The following MAP4K3 variants were observed in gnomAD, a reference collection of about 807,000 sequenced individuals.
MAP4K3 encodes the protein MAPK/ERK kinase kinase kinase 3.
In MAP4K3, 94 loss-of-function variants were observed where a neutral mutation model predicts 143.5. That is an observed-to-expected ratio of 0.65 (90% CI 0.55 to 0.78). The LOEUF is 0.78. Ranked by LOEUF, MAP4K3 falls within the 30% of genes least tolerant of loss-of-function variation. The probability of loss-of-function intolerance (pLI) is 0.00; values close to 1 mark genes in which losing one functional copy is unlikely to be tolerated. For synonymous variants in MAP4K3, 416 were observed against 347.2 expected (o/e 1.20, Z -2.20); for missense variants, 1,077 against 1,068.1 (o/e 1.01, Z -0.12).
At chr2:39,348,303 T>A (rs927404962) in intron 3 of MAP4K3, among the ~76,000 whole-genome samples, 7 of 152,100 alleles carry the variant, frequency 4.6e-5, no homozygotes, top group Non-Finnish European at 8.8e-5. Context: ...TACAATTTTC[T>A]ATTCATCCTA....
At chr2:39,311,674 G>A (rs1177225580) in intron 13 of MAP4K3, among the ~76,000 whole-genome samples, 1 of 152,182 alleles carries the variant, frequency 6.6e-6, no homozygotes, top group African/African-American at 2.4e-5. Flanking sequence ...GAAGCCTCTG[G>A]CCAATAGTTA....
chr2:39,293,103 C>A, intron 17 of MAP4K3, 127 bp downstream of exon 17: 1 of 757,840 alleles, frequency 1.3e-6, no homozygotes. Flanking sequence ...GGCAACAGAG[C>A]GAGACCCTAT....
At chr2:39,368,313 A>C (rs1665982060) in intron 2 of MAP4K3, among the ~76,000 whole-genome samples, 1 of 152,046 alleles carries the variant, frequency 6.6e-6, no homozygotes, top group Admixed American at 6.6e-5. Context: ...TGAAGAATAC[A>C]ATGGGCAAAA....
At chr2:39,270,628 A>G (rs750750585) in intron 26 of MAP4K3, among the ~76,000 whole-genome samples, 21 of 152,312 alleles carry the variant, frequency 1.4e-4, no homozygotes, top group Non-Finnish European at 2.6e-4. Context: ...CCAAGGTCCC[A>G]TACCTAGTAA....
In MAP4K3 at chr2:39,273,193, A is replaced by T. The variant is rs182457022; in HGVS notation, c.1795-651T>A. Among the ~76,000 whole-genome samples, 262 of 151,702 alleles carry T rather than the reference A, an allele frequency of 1.7e-3. 3 individuals carry two copies. The highest frequency in any genetic ancestry group is 5.5e-3 in the African/African-American group (227 of 41,436). ...TTCATGGAACACAATCTATATATTT[A>T]AAAAAAAATACTCTCATTAAGACAT... On this transcript the variant is annotated intron_variant, in intron 24 of 33. Transcript: ENST00000263881.
rs1665516124 is a variant in MAP4K3 at position 39,437,098 on chromosome 2, C to G, written c.-111G>C. 1.4e-6 allele frequency: 1 copy of G among 710,094 alleles called. No homozygotes were observed. Among genetic ancestry groups the G allele is most frequent in the Admixed American group, 4.0e-5 (1 of 24,762 alleles). 44.0% of individuals were successfully genotyped at this position (710,094 alleles called of 1,614,324 possible). On this transcript the variant is annotated 5_prime_UTR_variant, in exon 1 of 34. Transcript: ENST00000263881. ...CGGCTCCCGGCTCCCCCGGCGGTCA[C>G]AATCACCCGGCTCCACGCTGCGGCC...
At chr2:39,366,819 T>C (rs1204878442) in intron 2 of MAP4K3, among the ~76,000 whole-genome samples, 1 of 152,172 alleles carries the variant, frequency 6.6e-6, no homozygotes, top group Non-Finnish European at 1.5e-5. Flanking sequence ...GGCTAATCTT[T>C]AAAAAGATAA....
intron 16 of MAP4K3, among the ~76,000 whole-genome samples, chr2:39,299,069 G>C (rs1682404121): frequency 6.6e-6 from 1 of 151,604 alleles, no homozygotes; most frequent in East Asian, 1.9e-4. Flanking sequence ...TTATAAATTA[G>C]TTTTTATCAT....
intron 3 of MAP4K3, among the ~76,000 whole-genome samples, chr2:39,349,560 T>C (rs893300487): frequency 8.5e-5 from 13 of 152,186 alleles, no homozygotes; most frequent in African/African-American, 3.1e-4. Context: ...TTCTTGAAAA[T>C]TAGCAAGGCC....
intron 1 of MAP4K3, among the ~76,000 whole-genome samples, chr2:39,434,155 A>C (rs1452003947): frequency 6.6e-6 from 1 of 152,262 alleles, no homozygotes; most frequent in Non-Finnish European, 1.5e-5. Flanking sequence ...ATTTAATCCA[A>C]TCATTCCATT....
chr2:39,312,552 G>C (rs968874189), intron 13 of MAP4K3, among the ~76,000 whole-genome samples: 21 of 152,112 alleles, frequency 1.4e-4, no homozygotes, highest in Admixed American at 1.2e-3. Context: ...TGAATATTTA[G>C]CAATAGGAGG....
Position 39,403,416 on chromosome 2 carries a change from C to T in MAP4K3, c.97-25293G>A, listed in dbSNP as rs1208423394. ...AAAGGCAATCTTGAATTGCCAACGT[C>T]CCCCATCCACCCACAGTGGCAGTGT... On this transcript the variant is annotated intron_variant, in intron 1 of 33. Transcript: ENST00000263881. Among the ~76,000 whole-genome samples, 12 of 152,188 alleles carry T rather than the reference C, an allele frequency of 7.9e-5. No homozygotes were observed. In the East Asian group the frequency reaches 2.3e-3, roughly 29 times the overall value.
At chr2:39,300,857 G>T (rs1279816981) in intron 15 of MAP4K3, among the ~76,000 whole-genome samples, 1 of 152,110 alleles carries the variant, frequency 6.6e-6, no homozygotes, top group Non-Finnish European at 1.5e-5. Flanking sequence ...TTGTAAAAGC[G>T]AGCTCCTTAA....
intron 24 of MAP4K3, among the ~76,000 whole-genome samples, chr2:39,278,182 T>C (rs1681356091): frequency 6.6e-6 from 1 of 151,904 alleles, no homozygotes; most frequent in Admixed American, 6.6e-5. Context: ...CTTGGGAGGC[T>C]GAGGCATGAG....
Position 39,286,922 on chromosome 2 carries a change from C to A in MAP4K3, c.1517G>T (p.Gly506Val). 1 of 1,608,710 alleles carries A rather than the reference C, an allele frequency of 6.2e-7. No homozygotes were observed. Among genetic ancestry groups the A allele is most frequent in the Non-Finnish European group, 8.5e-7 (1 of 1,178,124 alleles). Reference sequence around the variant, plus strand: ...TTCATTCTGTTGTTGACATAATGAGCCATCTCGTTCACCATTTAACTGGAA... The same window carrying A: ...TTCATTCTGTTGTTGACATAATGAGACATCTCGTTCACCATTTAACTGGAA... Reference protein sequence around the residue: ...SSFQLNGERDGSLCQQQNEHR... With the variant: ...SSFQLNGERDVSLCQQQNEHR... The change falls in exon 21 of 34, where the codon GGC (glycine) becomes GTC (valine). Residue 506 changes from glycine (G) to valine (V), a missense_variant. Gly to Val is a moderately radical substitution (Grantham distance 109). Around this residue, in one of 2 missense-constraint regions of MAP4K3, gnomAD observed 864 missense variants for 801.2 expected, o/e 1.08. Coordinates refer to ENST00000263881, the MANE Select transcript of MAP4K3 (RefSeq NM_003618.4).
chr2:39,390,379 T>C (rs1319365287), intron 1 of MAP4K3, among the ~76,000 whole-genome samples: 1 of 152,176 alleles, frequency 6.6e-6, no homozygotes, highest in Non-Finnish European at 1.5e-5. Context: ...ACAAACCACT[T>C]GTAGATCTGC....
intron 1 of MAP4K3, among the ~76,000 whole-genome samples, chr2:39,434,446 T>C (rs966059757): frequency 6.6e-6 from 1 of 152,204 alleles, no homozygotes; most frequent in Non-Finnish European, 1.5e-5. Context: ...GGACCAAGCA[T>C]CTATTATCTG....
intron 1 of MAP4K3, among the ~76,000 whole-genome samples, chr2:39,435,248 T>C (rs1330538346): frequency 6.6e-6 from 1 of 152,170 alleles, no homozygotes; most frequent in Non-Finnish European, 1.5e-5. Flanking sequence ...CATGCTGTAG[T>C]AGGGAGCTCT....
chr2:39,257,828 T>C (rs986748986), intron 31 of MAP4K3, among the ~76,000 whole-genome samples: 4 of 151,844 alleles, frequency 2.6e-5, no homozygotes, highest in African/African-American at 9.7e-5. Flanking sequence ...ATGATATTAC[T>C]TCTTACCAGG....
Sources: allele counts gnomAD v4.1 joint callset (sites outside exome capture counted in the v4.1 genomes callset), GRCh38; gene constraint gnomAD v4.1.1; regional missense constraint gnomAD v4.1.1; transcripts MANE v1.5; gene names NCBI Gene and HGNC (gene_info 2026-07-23, HGNC 2026-07-21).